CCDC138: variants seen among roughly 807,000 people sequenced by gnomAD.
CCDC138 encodes coiled-coil domain containing 138, also known as coiled-coil domain-containing protein 138.
A neutral mutation model predicts 82.3 loss-of-function variants in CCDC138; 66 were observed. That is an observed-to-expected ratio of 0.80 (90% confidence interval 0.66 to 0.98). The LOEUF is 0.98. Among genes scored for constraint, CCDC138 ranks in the 50% least tolerant of loss-of-function variants. CCDC138 has a pLI of 0.00. For synonymous variants in CCDC138, 297 were observed against 265.4 expected, an observed-to-expected ratio of 1.12 and a Z score of -1.16; for missense variants, 816 against 758.9, an observed-to-expected ratio of 1.08 and a Z score of -0.88.
chr2:108,846,915 A>C lies in CCDC138; in HGVS notation c.1501A>C (p.Lys501Gln). The C allele has an allele frequency of 6.3e-7, 1 of 1,598,804 alleles. No homozygotes were observed. Among genetic ancestry groups the C allele is most frequent in the Non-Finnish European group, 8.6e-7 (1 of 1,168,024 alleles). The stretch of plus-strand genomic sequence containing the variant: ...ATTTTTATCAACCTTAATTGTTCTC[A>C]AAACAGTCACTCAAGGTAAGCTTTC... ...LRFLSTLIVL[K>Q]TVTQADYLAQ... Residue 501 changes from lysine to glutamine, a missense_variant, in exon 12 of 15, where the codon AAA becomes CAA. Physicochemically the swap from Lys to Gln is moderately conservative, Grantham distance 53. Coordinates refer to ENST00000295124, the MANE Select transcript of CCDC138 (RefSeq NM_144978.3).
chr2:108,801,968 G>A (rs1681989903), intron 6 of CCDC138, among the ~76,000 whole-genome samples: 1 of 87,168 alleles, frequency 1.1e-5, no homozygotes, highest in Non-Finnish European at 2.4e-5. Context: ...TGAGGGCTCT[G>A]TTCTGTTCCA....
At chr2:108,883,095 ATCC>A (rs1228582110) in intron 2 of CCDC138, 6 of 152,200 alleles carry the variant, frequency 3.9e-5, no homozygotes, top group African/African-American at 1.4e-4. Context: ...ATTTCAACCC[ATCC>A]TCTATATTTT....
Position 108,827,051 on chromosome 2 carries a change from T to C in CCDC138, c.1206+10946T>C, listed in dbSNP as rs72934042. 5.0e-3 allele frequency among the ~76,000 whole-genome samples: 769 copies of C among 152,338 alleles called. 9 individuals are homozygous for C. The highest frequency in any genetic ancestry group is 0.015 in the African/African-American group (631 of 41,588). On this transcript the variant is annotated intron_variant, in intron 10 of 14. Transcript: ENST00000295124. Reference sequence around the variant, plus strand: ...AATTCATTTTTGGATTGTACATTACTAATATATGGTTACACAATTAAAGGC... The same window carrying C: ...AATTCATTTTTGGATTGTACATTACCAATATATGGTTACACAATTAAAGGC...
chr2:108,846,326 C>T (rs1558722343), intron 11 of CCDC138, among the ~76,000 whole-genome samples: 1 of 152,080 alleles, frequency 6.6e-6, no homozygotes, highest in Admixed American at 6.6e-5. Flanking sequence ...ATATTTTCAA[C>T]TTTAAATTAG....
At chr2:108,861,286 A>G (rs1693561872) in intron 13 of CCDC138, among the ~76,000 whole-genome samples, 2 of 151,040 alleles carry the variant, frequency 1.3e-5, no homozygotes, top group African/African-American at 4.9e-5. Context: ...ACACTTTTTC[A>G]TTTCGTCGAT....
intron 12 of CCDC138, among the ~76,000 whole-genome samples, chr2:108,856,259 A>T (rs886246541): frequency 5.9e-5 from 9 of 151,518 alleles, no homozygotes; most frequent in African/African-American, 2.2e-4. Context: ...TGGCAGATGT[A>T]TCATGAAAAC....
intron 12 of CCDC138, among the ~76,000 whole-genome samples, chr2:108,854,248 G>C (rs944734352): frequency 3.7e-4 from 56 of 150,700 alleles, no homozygotes; most frequent in African/African-American, 1.3e-3. Flanking sequence ...AGAAATGTAG[G>C]GAATTGTTGC....
At position 108,876,230 on chromosome 2, in the gene CCDC138, C is replaced by T. The variant is rs1407894415; in HGVS notation, c.1975C>T (p.Leu659=). 1 of 1,612,038 alleles carries T rather than the reference C, an allele frequency of 6.2e-7. No individual in the cohort carries two copies. ...TCTGGGTTTAACAAAATGTAACTCC[C>T]TGGTCTCCAGTGCAAGCCCTTAGAC... ...FNLGLTKCNS[L]VSSASP Residue 659 remains leucine (L), a synonymous_variant, in exon 15 of 15, where the codon CTG becomes TTG. Transcript: ENST00000295124.
At chr2:108,830,345 C>T (rs1371881753) in intron 10 of CCDC138, among the ~76,000 whole-genome samples, 5 of 152,170 alleles carry the variant, frequency 3.3e-5, no homozygotes, top group South Asian at 4.1e-4. Context: ...ATGATGGTTA[C>T]ACAACAGTGT....
At chr2:108,813,248 CAAAAA>C (rs371435296) in intron 9 of CCDC138, among the ~76,000 whole-genome samples, 7 of 63,564 alleles carry the variant, frequency 1.1e-4, no homozygotes, top group South Asian at 9.8e-4. Context: ...GACTCCGTCT[CAAAAA>C]AAAAAAAAAA....
chr2:108,871,598 A>G (rs994916957), intron 13 of CCDC138, among the ~76,000 whole-genome samples: 2 of 151,998 alleles, frequency 1.3e-5, no homozygotes, highest in African/African-American at 4.8e-5. Context: ...GATAAAAAAC[A>G]TTGTCCCATT....
intron 6 of CCDC138, 78 bp from the exon 7 acceptor site, chr2:108,804,811 A>G (rs1460564065): frequency 7.7e-7 from 1 of 1,299,240 alleles, no homozygotes; most frequent in Admixed American, 3.0e-5. Context: ...CTTACTTGTA[A>G]TTAATTCACG....
At chr2:108,867,277 A>T (rs1249315461) in intron 13 of CCDC138, among the ~76,000 whole-genome samples, 1 of 152,202 alleles carries the variant, frequency 6.6e-6, no homozygotes, top group Non-Finnish European at 1.5e-5. Context: ...TCCCCGCTGG[A>T]AGCTAGAACT....
At chr2:108,855,790 G>T (rs1692499728) in intron 12 of CCDC138, among the ~76,000 whole-genome samples, 1 of 152,124 alleles carries the variant, frequency 6.6e-6, no homozygotes, top group Non-Finnish European at 1.5e-5. Flanking sequence ...TATTATGTAA[G>T]CTGAAACAGC....
At chr2:108,815,465 T>G (rs1229147088) in intron 9 of CCDC138, among the ~76,000 whole-genome samples, 1 of 133,564 alleles carries the variant, frequency 7.5e-6, no homozygotes, top group Admixed American at 7.5e-5. Flanking sequence ...TTTGGTGTTT[T>G]TTTTTTTTTT....
intron 13 of CCDC138, among the ~76,000 whole-genome samples, chr2:108,872,208 T>C (rs1441176604): frequency 6.6e-6 from 1 of 152,090 alleles, no homozygotes; most frequent in Non-Finnish European, 1.5e-5. Context: ...GTCTGATCAT[T>C]TTCTCTTCTT....
At chr2:108,809,815 T>C (rs1388015576) in intron 7 of CCDC138, among the ~76,000 whole-genome samples, 1 of 152,048 alleles carries the variant, frequency 6.6e-6, no homozygotes, top group Non-Finnish European at 1.5e-5. Context: ...TTTGTTTGTT[T>C]GTTTGTTTGT....
intron 10 of CCDC138, among the ~76,000 whole-genome samples, chr2:108,831,948 G>T (rs1348954226): frequency 6.6e-6 from 1 of 151,962 alleles, no homozygotes; most frequent in Non-Finnish European, 1.5e-5. Context: ...GACCAGGCTG[G>T]TCTTGAACTT....
At chr2:108,825,174 G>A (rs568038042) in intron 10 of CCDC138, among the ~76,000 whole-genome samples, 15 of 152,230 alleles carry the variant, frequency 9.9e-5, no homozygotes, top group Admixed American at 8.5e-4. Context: ...GGAGGTGGGA[G>A]GATGTAAAGT....
Sources: allele counts gnomAD v4.1 joint callset (sites outside exome capture counted in the v4.1 genomes callset), GRCh38; gene constraint gnomAD v4.1.1; transcripts MANE v1.5; gene names NCBI Gene and HGNC (gene_info 2026-07-23, HGNC 2026-07-21).